PRDM7: variants seen among roughly 807,000 people sequenced by gnomAD.
The protein encoded by PRDM7 is histone-lysine N-methyltransferase PRDM7.
In PRDM7, 52 loss-of-function variants were observed where a neutral mutation model predicts 64.3. That is an observed-to-expected ratio of 0.81 (90% CI 0.65 to 1.02). PRDM7 has a LOEUF of 1.02. Ranked by LOEUF, PRDM7 falls within the 50% of genes least tolerant of loss-of-function variation. The pLI, the probability that PRDM7 is intolerant of heterozygous loss-of-function variation, is 0.00. For missense variants in PRDM7, 574 were observed against 597.1 expected, an observed-to-expected ratio of 0.96 and a Z score of 0.40; for synonymous variants, 192 against 210.1, an observed-to-expected ratio of 0.91 and a Z score of 0.74.
At position 90,057,171 on chromosome 16, in the gene PRDM7, T is replaced by C. The variant is rs2037698778; in HGVS notation, c.*1118A>G. 1 of 154,148 alleles carries C rather than the reference T, an allele frequency of 6.5e-6. No individual in the cohort carries two copies. The highest frequency in any genetic ancestry group is 2.4e-5 in the African/African-American group (1 of 41,394). The allele number at this position is 154,148 out of a possible 1,614,324, so 9.5% of individuals were successfully genotyped here. On this transcript the variant is annotated 3_prime_UTR_variant, in exon 11 of 11. Transcript: ENST00000449207. ...GAACACATATATACACACATGCGTG[T>C]TCCTGTCTGGCGTTCACTTCTGGGG...
Position 90,075,489 on chromosome 16 carries a change from A to G in PRDM7, c.70-15T>C. The G allele has an allele frequency of 1.2e-6, 2 of 1,614,186 alleles. No individual in the cohort carries two copies. The highest frequency in any genetic ancestry group is 1.7e-6 in the Non-Finnish European group (2 of 1,180,014). ...GCATCTTTGACCTAGAGGAAGTAACAGATTCCATCAGTGATTTACTAATAC... is the reference window on the plus strand; with the variant it reads ...GCATCTTTGACCTAGAGGAAGTAACGGATTCCATCAGTGATTTACTAATAC... On this transcript the variant is annotated splice_polypyrimidine_tract_variant and intron_variant, in intron 2 of 10. Transcript: ENST00000449207. The surrounding 1 kb of genome is among the most constrained non-coding windows in gnomAD (Gnocchi z 4.3).
At chr16:90,065,499 C>A (rs1481370276) in intron 5 of PRDM7, among the ~76,000 whole-genome samples, 1 of 150,958 alleles carries the variant, frequency 6.6e-6, no homozygotes, top group Non-Finnish European at 1.5e-5. Flanking sequence ...CTTTGGGAGG[C>A]CAAGGTAGTA....
chr16:90,076,974 G>A (rs1480438846), intron 1 of PRDM7, among the ~76,000 whole-genome samples: 1 of 152,062 alleles, frequency 6.6e-6, no homozygotes, highest in Non-Finnish European at 1.5e-5. Flanking sequence ...TTAGGGTGAG[G>A]GAAATTGTGG....
Position 90,075,709 on chromosome 16 carries a change from TC to T in PRDM7, c.69+132del. The T allele has an allele frequency of 1.5e-6, 2 of 1,307,864 alleles. No homozygotes were observed. The highest frequency in any genetic ancestry group is 2.1e-6 in the Non-Finnish European group (2 of 931,850). 81.0% of individuals were successfully genotyped at this position (1,307,864 alleles called of 1,614,324 possible). A position where few individuals can be genotyped will look rare whatever the true frequency, so the allele number is the denominator to read the frequency against. On this transcript the variant is annotated intron_variant, in intron 2 of 10. Transcript: ENST00000449207. This position sits in a 1 kb window ranked among gnomAD's most constrained non-coding sequence, Gnocchi z 4.3. The stretch of plus-strand genomic sequence containing the variant: ...TGCTAGTGTTCTTTTCTCCCCCATG[TC>T]CTGGCCAGGACCAGCTGCCCCCATT...
chr16:90,063,333 G>T (rs912841327), intron 6 of PRDM7, among the ~76,000 whole-genome samples: 15 of 152,146 alleles, frequency 9.9e-5, no homozygotes, highest in African/African-American at 3.4e-4. Flanking sequence ...AGCTACTCGG[G>T]TGACTGAGGC....
At chr16:90,073,448 G>T (rs1242465280) in intron 4 of PRDM7, among the ~76,000 whole-genome samples, 1 of 150,136 alleles carries the variant, frequency 6.7e-6, no homozygotes, top group East Asian at 2.0e-4. Context: ...CGCCCAGGCC[G>T]GAGTGCAGTG....
intron 4 of PRDM7, among the ~76,000 whole-genome samples, chr16:90,073,566 A>AT (rs1332414386): frequency 2.6e-5 from 4 of 151,374 alleles, no homozygotes; most frequent in African/African-American, 7.3e-5. Context: ...TGCCTGGCTA[A>AT]TTTTTTGTAT....
Position 90,063,760 on chromosome 16 carries a change from G to A in PRDM7, c.360C>T (p.Pro120=). The change falls in exon 6 of 11, where the codon CCC becomes CCT. Residue 120 remains proline, a synonymous_variant. Transcript: ENST00000449207. ...GEQSKHQKGM[P]KASFNNESSL... is the part of the protein sequence containing the mutation. ...TAGATTCATTATTGAATGACGCCTT[G>A]GGCATTCCCTTTAATGTGAGAATCA... 1 of 1,614,056 alleles carries A rather than the reference G, an allele frequency of 6.2e-7. No homozygotes were observed. The highest frequency in any genetic ancestry group is 1.1e-5 in the South Asian group (1 of 91,072).
At chr16:90,073,402 A>ATT (rs536683798) in intron 4 of PRDM7, among the ~76,000 whole-genome samples, 12 of 141,738 alleles carry the variant, frequency 8.5e-5, no homozygotes, top group Non-Finnish European at 1.4e-4. Flanking sequence ...AAGAATGACA[A>ATT]TTTTTTTTTT....
At chr16:90,067,003 C>A in intron 4 of PRDM7, 93 bp from the exon 5 acceptor site, 1 of 1,119,334 alleles carries the variant, frequency 8.9e-7, no homozygotes, top group South Asian at 1.2e-5. Context: ...CTCCCTCTGT[C>A]GCCCAGGCTG....
chr16:90,057,448 G>C lies in PRDM7; in HGVS notation c.*841C>G, dbSNP rs574264265. The C allele has an allele frequency of 6.0e-6, 1 of 165,574 alleles. No individual in the cohort carries two copies. The highest frequency in any genetic ancestry group is 5.7e-5 in the Admixed American group (1 of 17,548). The allele number at this position is 165,574 out of a possible 1,614,324, so 10.3% of individuals were successfully genotyped here. Reference sequence around the variant, plus strand: ...ATTCCTGTGGAGACTTGAACTGAACGTTTGAGTTCTCTGTGGCCCTTCTGG... The same window carrying C: ...ATTCCTGTGGAGACTTGAACTGAACCTTTGAGTTCTCTGTGGCCCTTCTGG... On this transcript the variant is annotated 3_prime_UTR_variant, in exon 11 of 11. Coordinates refer to ENST00000449207, the MANE Select transcript of PRDM7 (RefSeq NM_001098173.2).
intron 4 of PRDM7, among the ~76,000 whole-genome samples, chr16:90,073,808 C>T (rs865952134): frequency 4.6e-5 from 7 of 151,770 alleles, no homozygotes; most frequent in East Asian, 1.9e-4. Flanking sequence ...GAGACGGAGT[C>T]TTCTCATTCT....
At position 90,058,006 on chromosome 16, in the gene PRDM7, C is replaced by T. The variant is rs1363971018; in HGVS notation, c.*283G>A. 1 of 1,607,552 alleles carries T rather than the reference C, an allele frequency of 6.2e-7. No homozygotes were observed. Among genetic ancestry groups the T allele is most frequent in the Non-Finnish European group, 8.5e-7 (1 of 1,175,880 alleles). Reference sequence around the variant, plus strand: ...GGTCTGACTTCCGGCTAAAGCCCTCCCACACTCTCTGCAGACGTAGGGCTT... The same window carrying T: ...GGTCTGACTTCCGGCTAAAGCCCTCTCACACTCTCTGCAGACGTAGGGCTT... On this transcript the variant is annotated 3_prime_UTR_variant, in exon 11 of 11. Transcript: ENST00000449207.
At chr16:90,071,574 G>C (rs1392149908) in intron 4 of PRDM7, among the ~76,000 whole-genome samples, 1 of 149,916 alleles carries the variant, frequency 6.7e-6, no homozygotes, top group Non-Finnish European at 1.5e-5. Context: ...GTGAGACAGA[G>C]AGAAAGACAG....
chr16:90,063,313 C>CTA (rs2037813720), intron 6 of PRDM7, among the ~76,000 whole-genome samples: 1 of 152,072 alleles, frequency 6.6e-6, no homozygotes, highest in Non-Finnish European at 1.5e-5. Flanking sequence ...TGGTGCACAC[C>CTA]TATAATCCCA....
chr16:90,065,504 G>A lies in PRDM7; in HGVS notation c.351+1357C>T, dbSNP rs373009794. Among the ~76,000 whole-genome samples, 259 of 151,216 alleles carry A rather than the reference G, an allele frequency of 1.7e-3. 8 individuals carry two copies. Among genetic ancestry groups the A allele is most frequent in the African/African-American group, 6.0e-3 (243 of 40,648 alleles). On this transcript the variant is annotated intron_variant, in intron 5 of 10. Coordinates refer to ENST00000449207, the MANE Select transcript of PRDM7 (RefSeq NM_001098173.2). ...AATCCCAGCACTTTGGGAGGCCAAG[G>A]TAGTAGGATGGCTTGAGCCCAGGAG...
chr16:90,076,195 C>G (rs1339113869), intron 1 of PRDM7, among the ~76,000 whole-genome samples, 200 bp from the exon 2 acceptor site: 1 of 152,142 alleles, frequency 6.6e-6, no homozygotes, highest in Non-Finnish European at 1.5e-5. Context: ...CTAATGTAAG[C>G]TGGATTTTGT....
chr16:90,067,676 T>C (rs534223674), intron 4 of PRDM7, among the ~76,000 whole-genome samples: 1 of 148,288 alleles, frequency 6.7e-6, no homozygotes. Context: ...CTGCAAGCTC[T>C]GCCTCCTGGG....
chr16:90,060,359 C>T lies in PRDM7; in HGVS notation c.1215G>A (p.Lys405=). 6.2e-7 allele frequency: 1 copy of T among 1,613,998 alleles called. No individual in the cohort carries two copies. The highest frequency in any genetic ancestry group is 8.5e-7 in the Non-Finnish European group (1 of 1,179,874). Residue 405 remains lysine, a synonymous_variant, in exon 10 of 11, where the codon AAG becomes AAA. Transcript: ENST00000449207. ...WASSGAASGR[K]SSWQGENQSQ... ...TGCCTACCTCTCCCTGCCATGAGCTCTTTCTTCCACTTGCTGCCCCACTTG... is the reference window on the plus strand; with the variant it reads ...TGCCTACCTCTCCCTGCCATGAGCTTTTTCTTCCACTTGCTGCCCCACTTG...
Sources: gnomAD v4.1 joint callset for allele counts (sites outside exome capture counted in the v4.1 genomes callset) on GRCh38, gnomAD v4.1.1 for gene constraint, Gnocchi (gnomAD v3.1) non-coding constraint, MANE v1.5 for transcripts, NCBI Gene and HGNC (gene_info 2026-07-23, HGNC 2026-07-21) for gene names.